Variants in TAFA5 observed in about 807,000 individuals in gnomAD.
The protein encoded by TAFA5 is chemokine-like protein TAFA-5.
TAFA5 carries 6 observed loss-of-function variants against 15.3 expected under a neutral mutation model. The ratio of observed to expected loss-of-function variants is 0.39; its 90% CI spans 0.21 to 0.77. The LOEUF (loss-of-function observed/expected upper bound fraction) is 0.77. TAFA5 is among the 30% of genes least tolerant of loss of function. The pLI is 0.41. For synonymous variants in TAFA5, 103 were observed against 80.7 expected, an observed-to-expected ratio of 1.28 and a Z score of -1.48; for missense variants, 161 against 193.1, an observed-to-expected ratio of 0.83 and a Z score of 0.98.
intron 3 of TAFA5, 93 bp from the exon 4 acceptor site, chr22:48,749,746 G>C: frequency 6.9e-7 from 1 of 1,445,376 alleles, no homozygotes; most frequent in Non-Finnish European, 9.5e-7. Context: ...AGGCCGGCTG[G>C]CAGGAGCCGG....
rs769636253 is a variant in TAFA5 at position 48,579,551 on chromosome 22, G to A, written c.113-67046G>A. Among the ~76,000 whole-genome samples, 6 of 152,346 alleles carry A rather than the reference G, an allele frequency of 3.9e-5. No individual in the cohort carries two copies. In the South Asian group the frequency reaches 6.2e-4, roughly 16 times the overall value. On this transcript the variant is annotated intron_variant, in intron 1 of 3. Transcript: ENST00000402357. ...CAGACGACGTGTGTCACGGAGACGC[G>A]AGAGGGAAGCCAGCACTTTATCTCC...
intron 1 of TAFA5, among the ~76,000 whole-genome samples, chr22:48,607,978 C>T (rs73889157): frequency 0.13 from 19,375 of 151,922 alleles, 1,341 homozygotes; most frequent in African/African-American, 0.17. Flanking sequence ...TAGGAGGCCC[C>T]GGGCCCATCC....
chr22:48,668,861 G>GA (rs1453303449), intron 2 of TAFA5, among the ~76,000 whole-genome samples: 1 of 152,234 alleles, frequency 6.6e-6, no homozygotes, highest in Non-Finnish European at 1.5e-5. Context: ...GCTGCGGGGG[G>GA]TCTCAGCGTC....
chr22:48,734,470 A>G (rs1402832842), intron 3 of TAFA5, among the ~76,000 whole-genome samples: 2 of 152,254 alleles, frequency 1.3e-5, no homozygotes, highest in African/African-American at 4.8e-5. Context: ...AGACTCACCC[A>G]GGTGTCCTCG....
At chr22:48,730,092 GAAAA>G (rs888676880) in intron 3 of TAFA5, among the ~76,000 whole-genome samples, 1 of 151,802 alleles carries the variant, frequency 6.6e-6, no homozygotes, top group Non-Finnish European at 1.5e-5. Flanking sequence ...TCCTTTAAAA[GAAAA>G]AAAAGAGGCT....
chr22:48,661,068 G>A (rs1331311480), intron 2 of TAFA5, among the ~76,000 whole-genome samples: 3 of 152,210 alleles, frequency 2.0e-5, no homozygotes, highest in Non-Finnish European at 4.4e-5. Context: ...CAGGCCCCAG[G>A]TGACCTTTGT....
Position 48,566,675 on chromosome 22 carries a change from G to C in TAFA5, c.112+76971G>C, listed in dbSNP as rs976693310. On this transcript the variant is annotated intron_variant, in intron 1 of 3. Transcript: ENST00000402357. This position sits in a 1 kb window ranked among gnomAD's most constrained non-coding sequence, Gnocchi z 4.5. ...GCCTTAGTTTCCTCAGCAATACGTT[G>C]GGGGGTGGGGTGGAATCTTTGCCTA... Among the ~76,000 whole-genome samples the C allele has an allele frequency of 6.6e-6, 1 of 152,168 alleles. No individual in the cohort carries two copies. The highest frequency in any genetic ancestry group is 2.4e-5 in the African/African-American group (1 of 41,418).
rs151004777 is a variant in TAFA5 at position 48,620,255 on chromosome 22, C to T, written c.113-26342C>T. 8.4e-3 allele frequency among the ~76,000 whole-genome samples: 1,282 copies of T among 152,146 alleles called. 19 individuals carry two copies. Among genetic ancestry groups the T allele is most frequent in the African/African-American group, 0.029 (1,221 of 41,474 alleles). Reference sequence around the variant, plus strand: ...ACCTCTCCCTCCACAGGGCCTGCAGCGTCTCCAGGTCCCTGACCCTTGGGT... The same window carrying T: ...ACCTCTCCCTCCACAGGGCCTGCAGTGTCTCCAGGTCCCTGACCCTTGGGT... On this transcript the variant is annotated intron_variant, in intron 1 of 3. Coordinates refer to ENST00000402357, the MANE Select transcript of TAFA5 (RefSeq NM_001082967.3).
At chr22:48,710,019 A>G (rs1190520863) in intron 3 of TAFA5, among the ~76,000 whole-genome samples, 4 of 152,158 alleles carry the variant, frequency 2.6e-5, no homozygotes, top group Non-Finnish European at 5.9e-5. Context: ...CATTGGGCAC[A>G]CTCACAGTGC....
intron 2 of TAFA5, among the ~76,000 whole-genome samples, chr22:48,656,137 C>T (rs1234897306): frequency 1.3e-5 from 2 of 151,976 alleles, no homozygotes; most frequent in Non-Finnish European, 2.9e-5. Flanking sequence ...CCACCACGCC[C>T]GGCCGACGCT....
intron 1 of TAFA5, chr22:48,546,675 G>A (rs1052721469): frequency 1.1e-4 from 50 of 455,168 alleles, no homozygotes; most frequent in African/African-American, 7.6e-4. Context: ...GTGAGGGTCC[G>A]CAGGATGGGG....
At chr22:48,533,987 A>G (rs916795267) in intron 1 of TAFA5, among the ~76,000 whole-genome samples, 3 of 152,176 alleles carry the variant, frequency 2.0e-5, no homozygotes, top group Admixed American at 6.5e-5. Flanking sequence ...AGGACCCCTT[A>G]GCATCTGCAT....
chr22:48,744,488 G>A (rs1412793164), intron 3 of TAFA5, among the ~76,000 whole-genome samples: 3 of 152,130 alleles, frequency 2.0e-5, no homozygotes, highest in African/African-American at 4.8e-5. Context: ...CGTGTGGTTC[G>A]TGGGATTGGA....
At chr22:48,642,079 T>A (rs1926703433) in intron 1 of TAFA5, among the ~76,000 whole-genome samples, 1 of 151,430 alleles carries the variant, frequency 6.6e-6, no homozygotes, top group Non-Finnish European at 1.5e-5. Context: ...GGCCTGCACT[T>A]TTCTGAGGGG....
intron 1 of TAFA5, among the ~76,000 whole-genome samples, chr22:48,525,249 C>A (rs1000638362): frequency 3.9e-5 from 6 of 152,168 alleles, no homozygotes; most frequent in Non-Finnish European, 8.8e-5. Flanking sequence ...TTGGGGACAT[C>A]CCTCGGCCCA....
rs573427757 is a variant in TAFA5 at position 48,550,612 on chromosome 22, G to T, written c.112+60908G>T. 6.6e-6 allele frequency among the ~76,000 whole-genome samples: 1 copy of T among 152,130 alleles called. No homozygotes were observed. Among genetic ancestry groups the T allele is most frequent in the East Asian group, 1.9e-4 (1 of 5,172 alleles). On this transcript the variant is annotated intron_variant, in intron 1 of 3. Coordinates refer to ENST00000402357, the MANE Select transcript of TAFA5 (RefSeq NM_001082967.3). The surrounding 1 kb of genome is among the most constrained non-coding windows in gnomAD (Gnocchi z 4.1). The stretch of plus-strand genomic sequence containing the variant: ...TTCCTAGCAGGTTCCATCGCCTTCC[G>T]CACTTGATGCTGCTGGATCCTCCCA...
At chr22:48,548,089 G>C (rs1922737550) in intron 1 of TAFA5, among the ~76,000 whole-genome samples, 1 of 152,252 alleles carries the variant, frequency 6.6e-6, no homozygotes, top group Admixed American at 6.5e-5. Flanking sequence ...CATGGCAGCT[G>C]GTGCTGCAGG....
intron 1 of TAFA5, chr22:48,544,552 G>A (rs559921725): frequency 1.0e-5 from 4 of 391,830 alleles, no homozygotes; most frequent in African/African-American, 8.2e-5. Context: ...AGGGTGCAAC[G>A]GCGCTAACTG....
intron 3 of TAFA5, among the ~76,000 whole-genome samples, chr22:48,712,850 A>G (rs1456740398): frequency 2.0e-5 from 3 of 152,206 alleles, no homozygotes; most frequent in Non-Finnish European, 2.9e-5. Context: ...TTGGGCTCTC[A>G]GAGCTGGAGG....
Sources: allele counts gnomAD v4.1 joint callset (sites outside exome capture counted in the v4.1 genomes callset), GRCh38; gene constraint gnomAD v4.1.1; non-coding constraint Gnocchi (gnomAD v3.1); transcripts MANE v1.5; gene names NCBI Gene and HGNC (gene_info 2026-07-23, HGNC 2026-07-21).